Variants in GDAP2 observed in about 807,000 individuals in gnomAD.
The protein encoded by GDAP2 is ganglioside-induced differentiation-associated protein 2.
A neutral mutation model predicts 67.0 loss-of-function variants in GDAP2; 51 were observed. The ratio of observed to expected loss-of-function variants is 0.76; its 90% CI spans 0.61 to 0.96. The LOEUF is 0.96. Ranked by LOEUF, GDAP2 falls within the 40% of genes least tolerant of loss-of-function variation. The pLI, the probability that GDAP2 is intolerant of heterozygous loss-of-function variation, is 0.00. For missense variants in GDAP2, 547 were observed against 588.3 expected, an observed-to-expected ratio of 0.93 and a Z score of 0.73; for synonymous variants, 203 against 207.3, an observed-to-expected ratio of 0.98 and a Z score of 0.18.
chr1:117,891,007 G>T (rs530823569), intron 8 of GDAP2, among the ~76,000 whole-genome samples: 75 of 151,596 alleles, frequency 4.9e-4, no homozygotes, highest in Non-Finnish European at 8.7e-4. Context: ...GGAACATTTC[G>T]GATTTTTGGG....
At chr1:117,884,195 T>C (rs1369165628) in intron 10 of GDAP2, among the ~76,000 whole-genome samples, 2 of 152,162 alleles carry the variant, frequency 1.3e-5, no homozygotes, top group Admixed American at 6.5e-5. Flanking sequence ...AAGGAGGACA[T>C]TGACAGCAGG....
At chr1:117,910,797 C>A (rs1230818472) in intron 5 of GDAP2, among the ~76,000 whole-genome samples, 1 of 152,204 alleles carries the variant, frequency 6.6e-6, no homozygotes, top group African/African-American at 2.4e-5. Flanking sequence ...GTTAGTACTA[C>A]TTCAAGTGGG....
At chr1:117,872,042 C>T (rs1557792426) in intron 13 of GDAP2, among the ~76,000 whole-genome samples, 1 of 152,062 alleles carries the variant, frequency 6.6e-6, no homozygotes, top group African/African-American at 2.4e-5. Context: ...TGAACAGACA[C>T]TTCTCAAAAA....
Position 117,868,479 on chromosome 1 carries a change from A to T in GDAP2, c.*2090T>A, listed in dbSNP as rs948987285. On this transcript the variant is annotated 3_prime_UTR_variant, in exon 14 of 14. Coordinates refer to ENST00000369443, the MANE Select transcript of GDAP2 (RefSeq NM_017686.4). ...ACTGGTATGAATATAGCAAAGGAAC[A>T]TCCTTTCAAAATCATTGCCTGTAAG... 1.1e-4 allele frequency: 17 copies of T among 152,226 alleles called. No homozygotes were observed. The highest frequency in any genetic ancestry group is 4.1e-4 in the African/African-American group (17 of 41,462). 9.4% of individuals were successfully genotyped at this position (152,226 alleles called of 1,614,324 possible). A position where few individuals can be genotyped will look rare whatever the true frequency, so the allele number is the denominator to read the frequency against.
At chr1:117,897,610 C>T (rs1241862040) in intron 7 of GDAP2, among the ~76,000 whole-genome samples, 1 of 152,240 alleles carries the variant, frequency 6.6e-6, no homozygotes, top group Non-Finnish European at 1.5e-5. Context: ...CATACAAACA[C>T]TGTGAGTTGG....
chr1:117,889,202 T>C (rs1648974228), intron 8 of GDAP2, among the ~76,000 whole-genome samples: 1 of 152,154 alleles, frequency 6.6e-6, no homozygotes, highest in Admixed American at 6.6e-5. Context: ...ATTTCTTTAC[T>C]TAAAAAATTA....
chr1:117,887,408 T>C (rs935198277), intron 9 of GDAP2, among the ~76,000 whole-genome samples: 1 of 152,058 alleles, frequency 6.6e-6, no homozygotes, highest in African/African-American at 2.4e-5. Flanking sequence ...TTACGTAAGG[T>C]TTGAATTTTG....
intron 9 of GDAP2, among the ~76,000 whole-genome samples, chr1:117,887,259 C>G (rs565614167): frequency 2.6e-5 from 4 of 152,150 alleles, no homozygotes; most frequent in African/African-American, 7.2e-5. Flanking sequence ...CAGCTTTTTG[C>G]TTAAGCTCAC....
At chr1:117,924,884 G>C (rs1650389703) in intron 1 of GDAP2, among the ~76,000 whole-genome samples, 1 of 152,102 alleles carries the variant, frequency 6.6e-6, no homozygotes, top group South Asian at 2.1e-4. Context: ...GACAAATGAA[G>C]ACTATATACT....
chr1:117,900,743 G>T (rs1297112945), intron 6 of GDAP2, among the ~76,000 whole-genome samples: 2 of 148,184 alleles, frequency 1.3e-5, no homozygotes, highest in Non-Finnish European at 3.0e-5. Flanking sequence ...CCAGCCTGGT[G>T]ACAGAGTGAG....
At chr1:117,917,827 A>G (rs894376688) in intron 3 of GDAP2, among the ~76,000 whole-genome samples, 1 of 152,216 alleles carries the variant, frequency 6.6e-6, no homozygotes, top group Non-Finnish European at 1.5e-5. Context: ...TCCTTTCAGC[A>G]AAGAACTTCT....
chr1:117,886,456 T>G, intron 10 of GDAP2, 121 bp downstream of exon 10: 1 of 639,174 alleles, frequency 1.6e-6, no homozygotes, highest in East Asian at 2.7e-5. Context: ...CCAGGTCTGC[T>G]CCTCTGTCAG....
intron 8 of GDAP2, among the ~76,000 whole-genome samples, chr1:117,889,858 G>T (rs1649006459): frequency 6.6e-6 from 1 of 151,858 alleles, no homozygotes; most frequent in South Asian, 2.1e-4. Context: ...GCATATAACA[G>T]GATTCAATTA....
chr1:117,889,136 T>C (rs1438743736), intron 8 of GDAP2, among the ~76,000 whole-genome samples: 2 of 152,132 alleles, frequency 1.3e-5, no homozygotes, highest in South Asian at 2.1e-4. Context: ...CTAAATCATA[T>C]GCACTATTCC....
At position 117,912,100 on chromosome 1, in the gene GDAP2, C is replaced by CA; in HGVS notation, c.471-19dup. The CA allele has an allele frequency of 6.8e-7, 1 of 1,473,880 alleles. No individual in the cohort carries two copies. The highest frequency in any genetic ancestry group is 9.5e-7 in the Non-Finnish European group (1 of 1,052,368). 91.3% of individuals were successfully genotyped at this position (1,473,880 alleles called of 1,614,324 possible). A position where few individuals can be genotyped will look rare whatever the true frequency, so the allele number is the denominator to read the frequency against. ...ACTGCTCTCTGCAACAAAGGGAAAA[C>CA]ACAAAAATTGCACTAGAAATATCAG... On this transcript the variant is annotated intron_variant, in intron 4 of 13. Coordinates refer to ENST00000369443, the MANE Select transcript of GDAP2 (RefSeq NM_017686.4).
At chr1:117,922,057 T>A (rs1650271024) in intron 1 of GDAP2, among the ~76,000 whole-genome samples, 1 of 152,114 alleles carries the variant, frequency 6.6e-6, no homozygotes, top group Non-Finnish European at 1.5e-5. Flanking sequence ...TTTTTTCTTA[T>A]GTCTTTTTGG....
intron 12 of GDAP2, among the ~76,000 whole-genome samples, chr1:117,881,318 CTGCTATATTCT>C (rs1648640424): frequency 6.6e-6 from 1 of 152,128 alleles, no homozygotes; most frequent in Admixed American, 6.5e-5. Context: ...GTGAGCAAGA[CTGCTATATTCT>C]AGCCCTCATG....
chr1:117,892,479 C>T (rs1649119357), intron 8 of GDAP2, among the ~76,000 whole-genome samples: 1 of 152,096 alleles, frequency 6.6e-6, no homozygotes, highest in South Asian at 2.1e-4. Flanking sequence ...AAAATAGTTT[C>T]TGGGTTTCCT....
intron 6 of GDAP2, among the ~76,000 whole-genome samples, chr1:117,902,497 A>G (rs542397657): frequency 6.6e-6 from 1 of 152,192 alleles, no homozygotes; most frequent in African/African-American, 2.4e-5. Flanking sequence ...TAAGGTAGGA[A>G]TACAACTTTG....
Sources: allele counts gnomAD v4.1 joint callset (sites outside exome capture counted in the v4.1 genomes callset), GRCh38; gene constraint gnomAD v4.1.1; transcripts MANE v1.5; gene names NCBI Gene and HGNC (gene_info 2026-07-23, HGNC 2026-07-21).